The following RHBDD1 variants were observed in gnomAD, a reference collection of about 807,000 sequenced individuals.
The protein encoded by RHBDD1 is rhomboid-related protein 4.
A neutral mutation model predicts 36.3 loss-of-function variants in RHBDD1; 38 were observed. The ratio of observed to expected loss-of-function variants is 1.05; its 90% CI spans 0.81 to 1.37. The LOEUF (loss-of-function observed/expected upper bound fraction) is 1.37. Ranked by LOEUF, RHBDD1 falls within the 40% of genes most tolerant of loss-of-function variation. RHBDD1 has a pLI of 0.00. For missense variants in RHBDD1, 393 were observed against 377.6 expected, an observed-to-expected ratio of 1.04 and a Z score of -0.34; for synonymous variants, 151 against 136.5, an observed-to-expected ratio of 1.11 and a Z score of -0.74.
intron 5 of RHBDD1, among the ~76,000 whole-genome samples, chr2:226,882,420 G>T (rs1170550146): frequency 9.9e-6 from 1 of 101,432 alleles, no homozygotes; most frequent in Non-Finnish European, 1.8e-5. Context: ...ACAAGAGTGA[G>T]ACTTTGCCTC....
chr2:226,820,644 C>CAAAAAAA, the RHBDD1 span, among the ~76,000 whole-genome samples: 8 of 63,506 alleles, frequency 1.3e-4, no homozygotes, highest in African/African-American at 3.2e-4. Flanking sequence ...TCCATCTCCA[C>CAAAAAAA]AAAAAAAAAA....
At chr2:226,928,596 T>A (rs1178264245) in intron 8 of RHBDD1, among the ~76,000 whole-genome samples, 1 of 151,218 alleles carries the variant, frequency 6.6e-6, no homozygotes, top group East Asian at 2.0e-4. Context: ...GTCAAGGAAG[T>A]AGAGAAATGA....
the RHBDD1 span, among the ~76,000 whole-genome samples, chr2:226,828,838 C>T: frequency 2.6e-5 from 4 of 152,026 alleles, no homozygotes; most frequent in African/African-American, 9.7e-5. Flanking sequence ...TATTTTCTTC[C>T]AATCTCTATC....
At position 226,904,422 on chromosome 2, in the gene RHBDD1, G is replaced by C. The variant is rs925351404; in HGVS notation, c.567-2371G>C. On this transcript the variant is annotated intron_variant, in intron 5 of 8. Coordinates refer to ENST00000392062, the MANE Select transcript of RHBDD1 (RefSeq NM_001167608.3). ...GTGGCACATCCTGCAAGCGGGGGGG[G>C]AGGGGGGTCAGGGAACTCCTGTTTC... Among the ~76,000 whole-genome samples the C allele has an allele frequency of 1.3e-5, 2 of 148,398 alleles. 1 individual carries two copies. Among genetic ancestry groups the C allele is most frequent in the African/African-American group, 5.0e-5 (2 of 40,150 alleles).
intron 5 of RHBDD1, among the ~76,000 whole-genome samples, chr2:226,885,247 A>G (rs115786869): frequency 0.016 from 2,365 of 152,278 alleles, 36 homozygotes; most frequent in South Asian, 0.039. Flanking sequence ...ATTGGTATAA[A>G]CATTCTGAAA....
intron 2 of RHBDD1, among the ~76,000 whole-genome samples, chr2:226,838,975 AGG>A: frequency 6.6e-6 from 1 of 152,366 alleles, no homozygotes; most frequent in Non-Finnish European, 1.5e-5. Context: ...ACACTGTTAC[AGG>A]AAATGAGACC....
intron 8 of RHBDD1, among the ~76,000 whole-genome samples, chr2:226,938,664 C>T (rs780455319): frequency 3.9e-5 from 6 of 151,904 alleles, no homozygotes; most frequent in East Asian, 1.9e-4. Flanking sequence ...CAGGACCAGA[C>T]GGATTCACAG....
chr2:226,959,558 G>A (rs1367631181), intron 8 of RHBDD1, among the ~76,000 whole-genome samples: 1 of 152,120 alleles, frequency 6.6e-6, no homozygotes, highest in African/African-American at 2.4e-5. Flanking sequence ...CTACTTTGGA[G>A]TTTATCATAT....
intron 8 of RHBDD1, among the ~76,000 whole-genome samples, chr2:226,922,956 C>T (rs1207603934): frequency 6.6e-6 from 1 of 152,058 alleles, no homozygotes; most frequent in Non-Finnish European, 1.5e-5. Context: ...TTTGTTTCTA[C>T]TTATATTTTA....
At chr2:226,917,577 T>G (rs1307807842) in intron 8 of RHBDD1, among the ~76,000 whole-genome samples, 1 of 152,122 alleles carries the variant, frequency 6.6e-6, no homozygotes, top group Non-Finnish European at 1.5e-5. Context: ...TGGAGTTACG[T>G]TCTAAAACTC....
intron 8 of RHBDD1, among the ~76,000 whole-genome samples, chr2:226,973,389 G>A (rs1418288110): frequency 6.6e-6 from 1 of 152,154 alleles, no homozygotes; most frequent in African/African-American, 2.4e-5. Context: ...GAGATGTCTG[G>A]GCTCATTATC....
chr2:226,867,552 T>A (rs1944440049), intron 5 of RHBDD1: 1 of 974,728 alleles, frequency 1.0e-6, no homozygotes, highest in African/African-American at 1.8e-5. Flanking sequence ...AGATTCCTCA[T>A]TTTTTTTAAG....
chr2:226,974,461 TCTC>T (rs1264567692), intron 8 of RHBDD1, among the ~76,000 whole-genome samples: 1 of 152,074 alleles, frequency 6.6e-6, no homozygotes, highest in African/African-American at 2.4e-5. Context: ...ATGGTTTCGA[TCTC>T]CTGACCTCAT....
rs142202774 is a variant in RHBDD1, at chr2:226,987,349, A to C, written c.857-8082A>C. 4.9e-3 allele frequency among the ~76,000 whole-genome samples: 751 copies of C among 152,342 alleles called. 5 individuals are homozygous for C. The highest frequency in any genetic ancestry group is 0.02 in the South Asian group (96 of 4,824). ...CCAGAACTTAAAGTATAAAAAAAAAAAATTGGGATGGGAGGACGGCACTGA... is the reference window on the plus strand; with the variant it reads ...CCAGAACTTAAAGTATAAAAAAAAACAATTGGGATGGGAGGACGGCACTGA... On this transcript the variant is annotated intron_variant, in intron 8 of 8. Transcript: ENST00000392062.
chr2:226,866,578 C>G (rs1345754649), intron 4 of RHBDD1, among the ~76,000 whole-genome samples: 1 of 152,172 alleles, frequency 6.6e-6, no homozygotes, highest in African/African-American at 2.4e-5. Flanking sequence ...CACTTTCTTC[C>G]TCACTAGTTC....
intron 5 of RHBDD1, among the ~76,000 whole-genome samples, chr2:226,886,902 A>G (rs553135604): frequency 6.6e-6 from 1 of 152,278 alleles, no homozygotes; most frequent in East Asian, 1.9e-4. Flanking sequence ...AAATAAATAG[A>G]GGAACATGGA....
In RHBDD1 at chr2:226,879,541, C is replaced by CA. The variant is rs1169920440; in HGVS notation, c.566+12226dup. Among the ~76,000 whole-genome samples, 83 of 151,968 alleles carry CA rather than the reference C, an allele frequency of 5.5e-4. 1 individual carries two copies. Among genetic ancestry groups the CA allele is most frequent in the Non-Finnish European group, 1.6e-4 (11 of 67,990 alleles). ...CTAATAACAGTTGTTCAGTTATAAA[C>CA]AAAGTTATTAGTAAAACCCTTTAAA... On this transcript the variant is annotated intron_variant, in intron 5 of 8. Coordinates refer to ENST00000392062, the MANE Select transcript of RHBDD1 (RefSeq NM_001167608.3).
At chr2:226,912,712 G>A (rs1472040192) in intron 7 of RHBDD1, among the ~76,000 whole-genome samples, 3 of 152,108 alleles carry the variant, frequency 2.0e-5, no homozygotes, top group Non-Finnish European at 4.4e-5. Flanking sequence ...AGGGATGGGA[G>A]GGTGAGGATT....
chr2:226,981,509 C>G (rs1057024900), intron 8 of RHBDD1, among the ~76,000 whole-genome samples: 2 of 151,754 alleles, frequency 1.3e-5, no homozygotes, highest in African/African-American at 2.4e-5. Context: ...CACACAAGCA[C>G]ACACTCATGC....
Sources: allele counts gnomAD v4.1 joint callset (sites outside exome capture counted in the v4.1 genomes callset), GRCh38; gene constraint gnomAD v4.1.1; transcripts MANE v1.5; gene names NCBI Gene and HGNC (gene_info 2026-07-23, HGNC 2026-07-21).